Variants in ANK3 observed in about 807,000 individuals in gnomAD.
ANK3 encodes ankyrin 3.
In ANK3, 57 loss-of-function variants were observed where a neutral mutation model predicts 370.9. The ratio of observed to expected loss-of-function variants is 0.15; its 90% confidence interval spans 0.12 to 0.19. The LOEUF is 0.19. Among genes scored for constraint, ANK3 ranks in the 10% least tolerant of loss-of-function variants. The pLI is 1.00. For missense variants in ANK3, 4,439 were observed against 5,302.1 expected (o/e 0.84, Z 5.06); for synonymous variants, 1,929 against 1,946.3 (o/e 0.99, Z 0.23).
chr10:60,474,412 A>C (rs1357976037), intron 2 of ANK3, among the ~76,000 whole-genome samples: 2 of 152,174 alleles, frequency 1.3e-5, no homozygotes, highest in Non-Finnish European at 2.9e-5. Context: ...TCTGAAGAGA[A>C]GGCTGCCAAG....
intron 38 of ANK3, among the ~76,000 whole-genome samples, chr10:60,065,400 G>A (rs761875964): frequency 2.0e-5 from 3 of 152,012 alleles, no homozygotes; most frequent in Non-Finnish European, 4.4e-5. Context: ...TAAGAAATGG[G>A]CAAAAATGAT....
chr10:60,359,188 T>C (rs555661228), intron 1 of ANK3, among the ~76,000 whole-genome samples: 16 of 152,202 alleles, frequency 1.1e-4, no homozygotes, highest in African/African-American at 2.9e-4. Context: ...TTGCATGCCA[T>C]GTCTACATAC....
chr10:60,732,607 G>A (rs1288284346), intron 1 of ANK3, among the ~76,000 whole-genome samples: 3 of 152,124 alleles, frequency 2.0e-5, no homozygotes, highest in African/African-American at 7.2e-5. Context: ...TAGCCACCCT[G>A]CTCTGCACGT....
intron 43 of ANK3, among the ~76,000 whole-genome samples, chr10:60,039,690 C>G (rs527294637): frequency 6.6e-6 from 1 of 152,124 alleles, no homozygotes; most frequent in African/African-American, 2.4e-5. Context: ...GTTTTCTGAA[C>G]CTCAGTTTCC....
chr10:60,601,266 G>A (rs1567173721), intron 2 of ANK3, among the ~76,000 whole-genome samples: 3 of 151,378 alleles, frequency 2.0e-5, no homozygotes, highest in Non-Finnish European at 4.4e-5. Flanking sequence ...CCTTGAATAT[G>A]GGCTGTACTC....
chr10:60,347,523 T>C (rs1236549017), intron 1 of ANK3, among the ~76,000 whole-genome samples: 1 of 152,018 alleles, frequency 6.6e-6, no homozygotes, highest in Non-Finnish European at 1.5e-5. Context: ...CCTCTGAATC[T>C]CTGTTTCCTC....
At chr10:60,032,292 C>T (rs909571237) in intron 43 of ANK3, among the ~76,000 whole-genome samples, 1 of 144,608 alleles carries the variant, frequency 6.9e-6, no homozygotes, top group Non-Finnish European at 1.5e-5. Context: ...CTGCAACCTC[C>T]GCCTCCCGGG....
At chr10:60,170,141 A>G (rs1330974624) in intron 21 of ANK3, among the ~76,000 whole-genome samples, 1 of 152,244 alleles carries the variant, frequency 6.6e-6, no homozygotes, top group African/African-American at 2.4e-5. Flanking sequence ...GATAGATACA[A>G]TTCACATCTT....
At chr10:60,459,247 C>T (rs2064825364) in intron 2 of ANK3, among the ~76,000 whole-genome samples, 1 of 152,064 alleles carries the variant, frequency 6.6e-6, no homozygotes. Flanking sequence ...AAGCTTTGAG[C>T]GTATTTTCAA....
At chr10:60,366,898 A>C (rs2059458056) in intron 1 of ANK3, among the ~76,000 whole-genome samples, 3 of 152,112 alleles carry the variant, frequency 2.0e-5, no homozygotes, top group Admixed American at 2.0e-4. Context: ...TTCTCAAAGC[A>C]CTGTATCCCA....
At chr10:60,120,523 G>T (rs2093403293) in intron 25 of ANK3, among the ~76,000 whole-genome samples, 1 of 152,002 alleles carries the variant, frequency 6.6e-6, no homozygotes, top group Non-Finnish European at 1.5e-5. Context: ...GCAAAGTGAA[G>T]AGACAACCCA....
chr10:60,481,606 G>T (rs898406495), intron 2 of ANK3, among the ~76,000 whole-genome samples: 4 of 152,108 alleles, frequency 2.6e-5, no homozygotes, highest in African/African-American at 7.2e-5. Flanking sequence ...GGGATCACAG[G>T]TGCCTGCCAC....
At chr10:60,628,951 A>G (rs1159952267) in intron 1 of ANK3, among the ~76,000 whole-genome samples, 1 of 152,208 alleles carries the variant, frequency 6.6e-6, no homozygotes, top group Non-Finnish European at 1.5e-5. Context: ...TAGTATGCTT[A>G]AAACTTCTCT....
At chr10:60,696,822 ATT>A in intron 1 of ANK3, among the ~76,000 whole-genome samples, 1 of 142,830 alleles carries the variant, frequency 7.0e-6, no homozygotes, top group Non-Finnish European at 1.5e-5. Flanking sequence ...AACTGGAAGC[ATT>A]CCCTTTGAAA....
intron 1 of ANK3, among the ~76,000 whole-genome samples, chr10:60,377,728 G>T (rs570796192): frequency 6.6e-6 from 1 of 152,258 alleles, no homozygotes; most frequent in African/African-American, 2.4e-5. Context: ...TAAAGGCCAG[G>T]GGCAGGGTGC....
At chr10:60,455,202 A>G (rs2064715565) in intron 2 of ANK3, among the ~76,000 whole-genome samples, 1 of 152,194 alleles carries the variant, frequency 6.6e-6, no homozygotes, top group African/African-American at 2.4e-5. Flanking sequence ...TAGTGAGAAT[A>G]ATAAGGTTGC....
At chr10:60,228,421 C>A (rs2097195566) in intron 8 of ANK3, among the ~76,000 whole-genome samples, 1 of 151,220 alleles carries the variant, frequency 6.6e-6, no homozygotes, top group Non-Finnish European at 1.5e-5. Context: ...GTAATCCCAG[C>A]TACTCAGGAG....
chr10:60,268,085 C>T, intron 5 of ANK3, among the ~76,000 whole-genome samples: 1 of 152,186 alleles, frequency 6.6e-6, no homozygotes, highest in Non-Finnish European at 1.5e-5. Flanking sequence ...CCACAGAGCA[C>T]TGTATCCTCA....
chr10:60,686,077 T>C (rs1310867883), intron 1 of ANK3, among the ~76,000 whole-genome samples: 9 of 152,118 alleles, frequency 5.9e-5, no homozygotes, highest in Admixed American at 5.2e-4. Context: ...CAAACTGATA[T>C]CAATTTTTTC....
Sources: allele counts gnomAD v4.1 joint callset (sites outside exome capture counted in the v4.1 genomes callset), GRCh38; gene constraint gnomAD v4.1.1; transcripts MANE v1.5; gene names NCBI Gene and HGNC (gene_info 2026-07-23, HGNC 2026-07-21).